PRKCA: variants seen among roughly 807,000 people sequenced by gnomAD.
The protein encoded by PRKCA is protein kinase C alpha type.
A neutral mutation model predicts 87.0 loss-of-function variants in PRKCA; 27 were observed. That is an observed-to-expected ratio of 0.31 (90% CI 0.23 to 0.43). PRKCA has a LOEUF of 0.43. Ranked by LOEUF, PRKCA falls within the 20% of genes least tolerant of loss-of-function variation. The probability of loss-of-function intolerance (pLI) is 1.00; values close to 1 mark genes in which losing one functional copy is unlikely to be tolerated. For missense variants in PRKCA, 518 were observed against 852.3 expected (o/e 0.61, Z 4.88); for synonymous variants, 329 against 311.1 (o/e 1.06, Z -0.61).
chr17:66,458,032 T>A (rs959310177), intron 2 of PRKCA, among the ~76,000 whole-genome samples: 2 of 152,094 alleles, frequency 1.3e-5, no homozygotes, highest in African/African-American at 4.8e-5. Flanking sequence ...CCAAATTGGT[T>A]TGGAGCAAGC....
chr17:66,642,774 A>C (rs536754321), intron 4 of PRKCA, among the ~76,000 whole-genome samples: 1 of 121,820 alleles, frequency 8.2e-6, no homozygotes, highest in East Asian at 2.1e-4. Flanking sequence ...AAACGCTGGG[A>C]TTTCCACCAT....
rs187659856 is a variant in PRKCA, at chr17:66,493,751, G to A, written c.206-2450G>A. 2.2e-4 allele frequency among the ~76,000 whole-genome samples: 34 copies of A among 152,248 alleles called. 1 individual carries two copies. In the East Asian group the frequency reaches 6.4e-3, roughly 29 times the overall value. On this transcript the variant is annotated intron_variant, in intron 2 of 16. Transcript: ENST00000413366. ...CCAGTACAACAACAGCAACAGCCTG[G>A]CACGTGATAAGATGCTCAGTAAATG...
intron 13 of PRKCA, among the ~76,000 whole-genome samples, chr17:66,768,905 A>G (rs1031021485): frequency 5.3e-5 from 8 of 152,198 alleles, no homozygotes; most frequent in African/African-American, 1.9e-4. Context: ...AGCAGTTTTA[A>G]TGGATTTTTT....
chr17:66,306,422 G>A, intron 2 of PRKCA: 1 of 312,280 alleles, frequency 3.2e-6, no homozygotes. Flanking sequence ...AGAAAAAAAT[G>A]GAATCACTTT....
intron 2 of PRKCA, among the ~76,000 whole-genome samples, chr17:66,456,426 G>A (rs556654535): frequency 1.3e-5 from 2 of 152,226 alleles, no homozygotes; most frequent in African/African-American, 4.8e-5. Context: ...CCTATTCTAA[G>A]TTTTCTTCCC....
intron 8 of PRKCA, among the ~76,000 whole-genome samples, chr17:66,690,699 G>A (rs1452730371): frequency 6.6e-6 from 1 of 151,840 alleles, no homozygotes; most frequent in Non-Finnish European, 1.5e-5. Context: ...TTGGTGGCAT[G>A]TGCCTGTACT....
chr17:66,368,378 A>ATT (rs1908871832), intron 2 of PRKCA, among the ~76,000 whole-genome samples: 3 of 28,204 alleles, frequency 1.1e-4, no homozygotes, highest in Non-Finnish European at 1.8e-4. Context: ...ATATATATAT[A>ATT]TATATATATT....
At chr17:66,595,480 G>C (rs866085198) in intron 3 of PRKCA, among the ~76,000 whole-genome samples, 1 of 34,822 alleles carries the variant, frequency 2.9e-5, no homozygotes, top group Non-Finnish European at 6.3e-5. Context: ...TTTTTTTTTT[G>C]AGACAGTCTT....
At chr17:66,371,214 C>A (rs993379395) in intron 2 of PRKCA, among the ~76,000 whole-genome samples, 7 of 152,158 alleles carry the variant, frequency 4.6e-5, no homozygotes, top group Non-Finnish European at 5.9e-5. Flanking sequence ...AGCAGTGCAG[C>A]CAGAATTCTC....
chr17:66,618,724 G>A (rs894664167), intron 3 of PRKCA, among the ~76,000 whole-genome samples: 8 of 152,270 alleles, frequency 5.3e-5, no homozygotes, highest in African/African-American at 1.9e-4. Context: ...CGTATTCTGG[G>A]AAATGTTCAA....
At chr17:66,364,143 A>T (rs1908559341) in intron 2 of PRKCA, 1 of 152,224 alleles carries the variant, frequency 6.6e-6, no homozygotes, top group Non-Finnish European at 1.5e-5. Context: ...GAGTGCACTA[A>T]GTTTGGCATC....
chr17:66,688,192 A>T, intron 6 of PRKCA, 110 bp from the exon 7 acceptor site: 1 of 1,389,508 alleles, frequency 7.2e-7, no homozygotes, highest in South Asian at 1.4e-5. Flanking sequence ...CTGGACCAGG[A>T]AGACAAATAT....
intron 2 of PRKCA, among the ~76,000 whole-genome samples, chr17:66,455,001 G>A (rs974543962): frequency 6.6e-6 from 1 of 152,252 alleles, no homozygotes; most frequent in Admixed American, 6.5e-5. Context: ...GCAGTGGAGG[G>A]AAGGTGGGGG....
intron 8 of PRKCA, among the ~76,000 whole-genome samples, chr17:66,728,774 T>C (rs1973815453): frequency 6.6e-6 from 1 of 152,226 alleles, no homozygotes; most frequent in African/African-American, 2.4e-5. Flanking sequence ...ACTGTGGTGG[T>C]GACTTGTCAA....
intron 3 of PRKCA, among the ~76,000 whole-genome samples, chr17:66,594,312 G>T (rs1380477183): frequency 6.6e-6 from 1 of 152,206 alleles, no homozygotes; most frequent in African/African-American, 2.4e-5. Flanking sequence ...TGTTGGTTGG[G>T]TGGGGTGGTC....
chr17:66,356,573 G>T lies in PRKCA; in HGVS notation c.205+50446G>T, dbSNP rs1403693794. ...CAGGAGGCGGAGGTTGCAGTGAGCT[G>T]AGATCGTGCCACTGCACTCCAACCT... On this transcript the variant is annotated intron_variant, in intron 2 of 16. Transcript: ENST00000413366. Among the ~76,000 whole-genome samples the T allele has an allele frequency of 2.6e-5, 4 of 152,264 alleles. No homozygotes were observed. The East Asian group carries it at 7.8e-4, about 30-fold the overall frequency.
At chr17:66,641,531 C>G in intron 4 of PRKCA, 65 bp downstream of exon 4, 1 of 1,206,576 alleles carries the variant, frequency 8.3e-7, no homozygotes, top group South Asian at 1.4e-5. Context: ...GTTTGCTGAG[C>G]AAGGAAGGCT....
chr17:66,408,985 G>C (rs1281919130), intron 2 of PRKCA, among the ~76,000 whole-genome samples: 2 of 145,076 alleles, frequency 1.4e-5, no homozygotes, highest in African/African-American at 2.6e-5. Context: ...CCGGGAGGCG[G>C]AGGTTGCAGT....
chr17:66,404,887 T>C (rs559674358), intron 2 of PRKCA, among the ~76,000 whole-genome samples: 2 of 151,440 alleles, frequency 1.3e-5, no homozygotes, highest in Admixed American at 1.3e-4. Flanking sequence ...GTAGCTGAGA[T>C]TACAGGCGCA....
Sources: allele counts gnomAD v4.1 joint callset (sites outside exome capture counted in the v4.1 genomes callset), GRCh38; gene constraint gnomAD v4.1.1; transcripts MANE v1.5; gene names NCBI Gene and HGNC (gene_info 2026-07-23, HGNC 2026-07-21).